The following MYO1D variants were observed in gnomAD, a reference collection of about 807,000 sequenced individuals.
MYO1D encodes the protein unconventional myosin-Id.
A neutral mutation model predicts 122.0 loss-of-function variants in MYO1D; 83 were observed. That is an observed-to-expected ratio of 0.68 (90% confidence interval 0.57 to 0.82). The LOEUF is 0.82. Among genes scored for constraint, MYO1D ranks in the 40% least tolerant of loss-of-function variants. MYO1D has a pLI of 0.00. For synonymous variants in MYO1D, 464 were observed against 446.9 expected (o/e 1.04, Z -0.48); for missense variants, 1,157 against 1,269.5 (o/e 0.91, Z 1.35).
intron 1 of MYO1D, among the ~76,000 whole-genome samples, chr17:32,839,230 T>C (rs1416013078): frequency 1.3e-5 from 2 of 152,170 alleles, no homozygotes; most frequent in Non-Finnish European, 2.9e-5. Flanking sequence ...GAGAACTATA[T>C]GGACAATTTG....
chr17:32,572,366 T>G (rs1408133625), intron 21 of MYO1D, among the ~76,000 whole-genome samples: 1 of 152,174 alleles, frequency 6.6e-6, no homozygotes, highest in East Asian at 1.9e-4. Context: ...TCTCAGCCAG[T>G]GCTACTCCAT....
At chr17:32,509,657 C>T (rs1342943716) in intron 21 of MYO1D, among the ~76,000 whole-genome samples, 3 of 151,830 alleles carry the variant, frequency 2.0e-5, no homozygotes, top group Admixed American at 1.3e-4. Context: ...CGATCGATTC[C>T]GGCTCACTGC....
At chr17:32,675,575 C>T (rs2088795560) in intron 16 of MYO1D, among the ~76,000 whole-genome samples, 1 of 152,108 alleles carries the variant, frequency 6.6e-6, no homozygotes, top group Non-Finnish European at 1.5e-5. Flanking sequence ...TTTCAATCAA[C>T]ATCTATTACT....
chr17:32,509,764 T>C (rs886559238), intron 21 of MYO1D, among the ~76,000 whole-genome samples: 2 of 152,104 alleles, frequency 1.3e-5, no homozygotes, highest in African/African-American at 4.8e-5. Context: ...AATTTTTGTA[T>C]TTTTAGTAGA....
chr17:32,595,744 A>G (rs2087485321), intron 21 of MYO1D, among the ~76,000 whole-genome samples: 1 of 152,238 alleles, frequency 6.6e-6, no homozygotes, highest in South Asian at 2.1e-4. Flanking sequence ...AACAATATAA[A>G]TAAAGTCTCT....
intron 1 of MYO1D, among the ~76,000 whole-genome samples, chr17:32,798,487 T>A (rs922330853): frequency 6.6e-6 from 1 of 152,206 alleles, no homozygotes; most frequent in Non-Finnish European, 1.5e-5. Context: ...TGTCCACAGT[T>A]AAGGAGGCTC....
intron 21 of MYO1D, among the ~76,000 whole-genome samples, chr17:32,526,427 G>A (rs1910343941): frequency 6.6e-6 from 1 of 152,074 alleles, no homozygotes; most frequent in African/African-American, 2.4e-5. Flanking sequence ...TGTCAGTTAT[G>A]AGTTTGAAAA....
chr17:32,648,208 C>A (rs1016655045), intron 19 of MYO1D, among the ~76,000 whole-genome samples: 1 of 151,712 alleles, frequency 6.6e-6, no homozygotes, highest in Admixed American at 6.6e-5. Flanking sequence ...AGTAAGACTG[C>A]CTCAAAAAAA....
chr17:32,825,248 A>T (rs2090710552), intron 1 of MYO1D, among the ~76,000 whole-genome samples: 2 of 152,224 alleles, frequency 1.3e-5, no homozygotes, highest in South Asian at 4.2e-4. Flanking sequence ...GGTATTTATT[A>T]TTTCAGGATG....
chr17:32,616,835 A>G (rs1281321392), intron 20 of MYO1D, among the ~76,000 whole-genome samples: 1 of 152,210 alleles, frequency 6.6e-6, no homozygotes, highest in Non-Finnish European at 1.5e-5. Flanking sequence ...AGGCCTGCTC[A>G]TAAAAGGCAA....
At chr17:32,635,700 G>C (rs1033968773) in intron 20 of MYO1D, among the ~76,000 whole-genome samples, 5 of 151,476 alleles carry the variant, frequency 3.3e-5, no homozygotes, top group Non-Finnish European at 7.4e-5. Flanking sequence ...CTCGGGTGGC[G>C]GGGGGGTGGA....
intron 20 of MYO1D, among the ~76,000 whole-genome samples, chr17:32,630,066 G>C (rs1383929979): frequency 6.6e-6 from 1 of 152,136 alleles, no homozygotes; most frequent in Admixed American, 6.5e-5. Flanking sequence ...AGAGACACTA[G>C]TATAAACTCA....
rs762104465 is a variant in MYO1D, at chr17:32,775,987, A to C, written c.441T>G (p.Ala147=). ...TACGGTTGGTTTTGGCATTTCCAAA[A>C]GCTTCCAAAACACAGTTGGACTTAA... is the stretch of plus-strand genomic sequence containing the variant. The part of the protein sequence containing the change: ...MLLKSNCVLE[A]FGNAKTNRND... Residue 147 remains alanine, a synonymous_variant, in exon 4 of 22, where the codon GCT becomes GCG. Coordinates refer to ENST00000318217, the MANE Select transcript of MYO1D (RefSeq NM_015194.3). 1.2e-5 allele frequency: 19 copies of C among 1,613,886 alleles called. No homozygotes were observed. Among genetic ancestry groups the C allele is most frequent in the Non-Finnish European group, 1.6e-5 (19 of 1,179,946 alleles).
chr17:32,692,172 G>A (rs2089111370), intron 16 of MYO1D, among the ~76,000 whole-genome samples: 1 of 152,172 alleles, frequency 6.6e-6, no homozygotes, highest in Non-Finnish European at 1.5e-5. Context: ...AGAACATGTT[G>A]AATATTTCAT....
intron 1 of MYO1D, among the ~76,000 whole-genome samples, chr17:32,856,119 A>G (rs2091025911): frequency 6.6e-6 from 1 of 152,032 alleles, no homozygotes; most frequent in East Asian, 1.9e-4. Flanking sequence ...AATAGTATAG[A>G]CCACACAGCA....
At chr17:32,552,142 C>A (rs1448522985) in intron 21 of MYO1D, among the ~76,000 whole-genome samples, 2 of 152,242 alleles carry the variant, frequency 1.3e-5, no homozygotes, top group Non-Finnish European at 2.9e-5. Context: ...TTGGCGTAAT[C>A]ATGGCTCACT....
chr17:32,616,957 T>C (rs1282180478), intron 20 of MYO1D, among the ~76,000 whole-genome samples: 2 of 152,078 alleles, frequency 1.3e-5, no homozygotes, highest in Non-Finnish European at 2.9e-5. Context: ...TCCCAGCATA[T>C]TGGGTGGATC....
chr17:32,519,568 C>G (rs1361503885), intron 21 of MYO1D, among the ~76,000 whole-genome samples: 2 of 151,822 alleles, frequency 1.3e-5, no homozygotes, highest in Admixed American at 6.6e-5. Flanking sequence ...AGCCGCTGCC[C>G]GAGCCCGAGC....
chr17:32,791,944 T>C (rs2090357094), intron 1 of MYO1D, among the ~76,000 whole-genome samples: 1 of 152,238 alleles, frequency 6.6e-6, no homozygotes, highest in Non-Finnish European at 1.5e-5. Flanking sequence ...GTTTAGTTGT[T>C]GTTTTTGAAT....
Sources: allele counts gnomAD v4.1 joint callset (sites outside exome capture counted in the v4.1 genomes callset), GRCh38; gene constraint gnomAD v4.1.1; transcripts MANE v1.5; gene names NCBI Gene and HGNC (gene_info 2026-07-23, HGNC 2026-07-21).